TMEM178B: variants seen among roughly 807,000 people sequenced by gnomAD.
TMEM178B encodes transmembrane protein 178B.
A neutral mutation model predicts 31.0 loss-of-function variants in TMEM178B; 5 were observed. That is an observed-to-expected ratio of 0.16 (90% CI 0.08 to 0.34). The LOEUF is 0.34. Among genes scored for constraint, TMEM178B ranks in the 10% least tolerant of loss-of-function variants. The pLI, the probability that TMEM178B is intolerant of heterozygous loss-of-function variation, is 1.00. For synonymous variants in TMEM178B, 164 were observed against 164.0 expected (o/e 1.00, Z 0.00); for missense variants, 275 against 400.3 (o/e 0.69, Z 2.67).
At chr7:141,226,864 AAAAAAAAAAAG>A (rs1009174941) in intron 2 of TMEM178B, among the ~76,000 whole-genome samples, 12 of 108,614 alleles carry the variant, frequency 1.1e-4, no homozygotes, top group African/African-American at 4.1e-4. Flanking sequence ...ACTCTGAAAA[AAAAAAAAAAAG>A]AAAAAGAAAA....
chr7:141,089,729 A>G (rs1487628816), intron 1 of TMEM178B, among the ~76,000 whole-genome samples: 1 of 152,198 alleles, frequency 6.6e-6, no homozygotes, highest in Non-Finnish European at 1.5e-5. Context: ...ATGAAGCTGG[A>G]AACCATCATT....
At chr7:141,384,783 T>C (rs1800400199) in intron 2 of TMEM178B, among the ~76,000 whole-genome samples, 1 of 152,158 alleles carries the variant, frequency 6.6e-6, no homozygotes, top group South Asian at 2.1e-4. Context: ...ATTTTCAACA[T>C]GTGGAGGAGA....
At chr7:141,285,132 A>G (rs1334156177) in intron 2 of TMEM178B, among the ~76,000 whole-genome samples, 7 of 134,732 alleles carry the variant, frequency 5.2e-5, no homozygotes, top group African/African-American at 1.9e-4. Flanking sequence ...CTGCCCCAGG[A>G]TCCAATTCAG....
intron 1 of TMEM178B, among the ~76,000 whole-genome samples, chr7:141,130,223 G>A (rs1795571744): frequency 6.6e-6 from 1 of 152,090 alleles, no homozygotes; most frequent in South Asian, 2.1e-4. Flanking sequence ...AACATGTTTT[G>A]GGGTAAAATA....
At chr7:141,362,223 C>G (rs950772452) in intron 2 of TMEM178B, among the ~76,000 whole-genome samples, 1 of 152,238 alleles carries the variant, frequency 6.6e-6, no homozygotes, top group Non-Finnish European at 1.5e-5. Context: ...CTGAGGAAGT[C>G]CTGGGTGTCA....
Position 141,464,303 on chromosome 7 carries a change from A to C in TMEM178B, c.635-6233A>C, listed in dbSNP as rs1802112917. On this transcript the variant is annotated intron_variant, in intron 3 of 3. Transcript: ENST00000565468. ...TCATCTGTATCAGAGTATAACTCTT[A>C]CCAGTTGCTACTGGATATTTATGAC... 2.0e-5 allele frequency among the ~76,000 whole-genome samples: 3 copies of C among 152,086 alleles called. 1 individual carries two copies. Among genetic ancestry groups the C allele is most frequent in the Admixed American group, 2.0e-4 (3 of 15,270 alleles).
rs1399923534 is a variant in TMEM178B at position 141,471,920 on chromosome 7, C to T, written c.*1134C>T. ...CCAGAGGGCAGAACCAAGAACAAAGCCACTGGGCCAGAGGACCCCCGTGGT... is the reference window on the plus strand; with the variant it reads ...CCAGAGGGCAGAACCAAGAACAAAGTCACTGGGCCAGAGGACCCCCGTGGT... On this transcript the variant is annotated 3_prime_UTR_variant, in exon 4 of 4. Coordinates refer to ENST00000565468, the MANE Select transcript of TMEM178B (RefSeq NM_001195278.2). This position sits in a 1 kb window ranked among gnomAD's most constrained non-coding sequence, Gnocchi z 4.1. 1 of 151,894 alleles carries T rather than the reference C, an allele frequency of 6.6e-6. No individual in the cohort carries two copies. Among genetic ancestry groups the T allele is most frequent in the Non-Finnish European group, 1.5e-5 (1 of 68,020 alleles). 9.4% of individuals were successfully genotyped at this position (151,894 alleles called of 1,614,324 possible).
At chr7:141,283,734 G>A (rs978866654) in intron 2 of TMEM178B, among the ~76,000 whole-genome samples, 23 of 152,088 alleles carry the variant, frequency 1.5e-4, no homozygotes, top group East Asian at 3.9e-4. Flanking sequence ...GGGGAGGACC[G>A]CATGACAGTT....
intron 2 of TMEM178B, among the ~76,000 whole-genome samples, chr7:141,302,109 C>T (rs1465552355): frequency 6.6e-6 from 1 of 152,130 alleles, no homozygotes; most frequent in African/African-American, 2.4e-5. Context: ...CTGAACTGTA[C>T]ACTGAAAATG....
intron 2 of TMEM178B, among the ~76,000 whole-genome samples, chr7:141,390,916 C>A (rs182783368): frequency 6.6e-6 from 1 of 152,024 alleles, no homozygotes; most frequent in Non-Finnish European, 1.5e-5. Flanking sequence ...AAACAATATG[C>A]GGCAGGAATT....
intron 1 of TMEM178B, among the ~76,000 whole-genome samples, chr7:141,123,510 A>G (rs1056660508): frequency 1.3e-5 from 2 of 152,226 alleles, no homozygotes; most frequent in Non-Finnish European, 2.9e-5. Context: ...GGCAGCTGTT[A>G]GTGGCTGTGC....
intron 2 of TMEM178B, among the ~76,000 whole-genome samples, chr7:141,335,351 C>G (rs1729863087): frequency 6.6e-6 from 1 of 152,214 alleles, no homozygotes; most frequent in African/African-American, 2.4e-5. Context: ...CTCTCTTCCT[C>G]TCTTCTGCCT....
At chr7:141,196,644 C>A (rs1796787914) in intron 1 of TMEM178B, among the ~76,000 whole-genome samples, 1 of 152,132 alleles carries the variant, frequency 6.6e-6, no homozygotes, top group South Asian at 2.1e-4. Flanking sequence ...ATAACCCTTG[C>A]AGGTCAAAGG....
rs1004274108 is a variant in TMEM178B at position 141,252,449 on chromosome 7, G to A, written c.496+39745G>A. On this transcript the variant is annotated intron_variant, in intron 2 of 3. Transcript: ENST00000565468. ...AGGCATGTGAAATTCTGAACTCTTC[G>A]ATAACCCCAAGGGAAACTGGCCACG... Among the ~76,000 whole-genome samples, 4 of 152,178 alleles carry A rather than the reference G, an allele frequency of 2.6e-5. 1 individual carries two copies. The highest frequency in any genetic ancestry group is 6.5e-5 in the Admixed American group (1 of 15,280).
intron 1 of TMEM178B, among the ~76,000 whole-genome samples, chr7:141,119,995 G>C (rs966127720): frequency 1.1e-4 from 16 of 152,198 alleles, no homozygotes; most frequent in African/African-American, 3.9e-4. Flanking sequence ...AGATAAGAAT[G>C]GAAGGGTGAG....
At chr7:141,243,786 A>G (rs1289197989) in intron 2 of TMEM178B, among the ~76,000 whole-genome samples, 5 of 152,160 alleles carry the variant, frequency 3.3e-5, no homozygotes, top group East Asian at 3.9e-4. Context: ...ATTAAAAGTT[A>G]TGAGGGGAAG....
intron 3 of TMEM178B, among the ~76,000 whole-genome samples, chr7:141,460,159 T>A (rs1313971698): frequency 1.3e-5 from 2 of 152,178 alleles, no homozygotes; most frequent in Admixed American, 6.5e-5. Flanking sequence ...ATACCACAGA[T>A]CAGGTGGCTA....
chr7:141,215,778 CT>C (rs879460481), intron 2 of TMEM178B, among the ~76,000 whole-genome samples: 3,894 of 38,064 alleles, frequency 0.1, 169 homozygotes, highest in East Asian at 0.35. Flanking sequence ...ATATACTTTC[CT>C]TTCTTTCTTT....
Position 141,074,834 on chromosome 7 carries a change from C to T in TMEM178B, c.382+142C>T, listed in dbSNP as rs746877939. 2.5e-6 allele frequency: 3 copies of T among 1,205,692 alleles called. No individual in the cohort carries two copies. Among genetic ancestry groups the T allele is most frequent in the East Asian group, 2.6e-5 (1 of 38,754 alleles). 74.7% of individuals were successfully genotyped at this position (1,205,692 alleles called of 1,614,324 possible). Reference sequence around the variant, plus strand: ...CGGTTATCCAGGCCTGGCTGAGCCTCGGGGCCAGGACTTGCCTCCCAATAG... The same window carrying T: ...CGGTTATCCAGGCCTGGCTGAGCCTTGGGGCCAGGACTTGCCTCCCAATAG... On this transcript the variant is annotated intron_variant, in intron 1 of 3. Transcript: ENST00000565468. This position sits in a 1 kb window ranked among gnomAD's most constrained non-coding sequence, Gnocchi z 5.1.
Sources: gnomAD v4.1 joint callset for allele counts (sites outside exome capture counted in the v4.1 genomes callset) on GRCh38, gnomAD v4.1.1 for gene constraint, Gnocchi (gnomAD v3.1) non-coding constraint, MANE v1.5 for transcripts, NCBI Gene and HGNC (gene_info 2026-07-23, HGNC 2026-07-21) for gene names.